Variants in TBC1D2 observed in about 807,000 individuals in gnomAD.
TBC1D2 encodes TBC1 domain family member 2.
A neutral mutation model predicts 91.1 loss-of-function variants in TBC1D2; 58 were observed. That is an observed-to-expected ratio of 0.64 (90% CI 0.52 to 0.79). TBC1D2 has a LOEUF of 0.79. TBC1D2 is among the 30% of genes least tolerant of loss of function. The pLI is 0.00. For missense variants in TBC1D2, 1,080 were observed against 1,208.3 expected, an observed-to-expected ratio of 0.89 and a Z score of 1.57; for synonymous variants, 482 against 511.5, an observed-to-expected ratio of 0.94 and a Z score of 0.78.
At chr9:98,254,969 C>T (rs1375762696) in intron 1 of TBC1D2, among the ~76,000 whole-genome samples, 1 of 152,180 alleles carries the variant, frequency 6.6e-6, no homozygotes, top group Non-Finnish European at 1.5e-5. Context: ...TTTCTTGATC[C>T]GTAAAATGGG....
chr9:98,233,851 T>C (rs904857195), intron 3 of TBC1D2, among the ~76,000 whole-genome samples: 7 of 152,232 alleles, frequency 4.6e-5, no homozygotes, highest in African/African-American at 1.7e-4. Flanking sequence ...GGAGGTATTG[T>C]CCGTTTTGTT....
At chr9:98,200,564 T>TG (rs1010148527) in intron 11 of TBC1D2, among the ~76,000 whole-genome samples, 190 bp from the exon 12 acceptor site, 45 of 17,656 alleles carry the variant, frequency 2.5e-3, no homozygotes, top group African/African-American at 6.6e-3. Flanking sequence ...GGCGGGGTGG[T>TG]GGGGGGGCGG....
rs760610627 is a variant in TBC1D2, at chr9:98,251,926, C to T, written c.370G>A (p.Ala124Thr). 10 of 1,597,730 alleles carry T rather than the reference C, an allele frequency of 6.3e-6. No homozygotes were observed. In the Admixed American group the frequency reaches 1.6e-4, roughly 25 times the overall value. The change falls in exon 2 of 13, where the codon GCC becomes ACC. Residue 124 changes from alanine (A) to threonine (T), a missense_variant and splice_region_variant. By Grantham distance (58) the Ala-to-Thr change is moderately conservative. Transcript: ENST00000465784. ...TACAGCATCGCTTGCTTGGTGGCGG[C>T]CTGAGAAGCACAAGGATTAGTTGGC... ...KTPSRVITLKAATKQAMLYWL... is the reference protein window; with the variant it reads ...KTPSRVITLKTATKQAMLYWL...
intron 9 of TBC1D2, among the ~76,000 whole-genome samples, chr9:98,207,313 C>G (rs1333624507): frequency 6.6e-5 from 10 of 152,194 alleles, no homozygotes; most frequent in Non-Finnish European, 1.2e-4. Context: ...AAAAAAGCAG[C>G]ATGGCTTATG....
rs965678467 is a variant in TBC1D2 at position 98,199,150 on chromosome 9, C to T, written c.*231G>A. The T allele has an allele frequency of 2.5e-5, 15 of 602,002 alleles. No homozygotes were observed. The highest frequency in any genetic ancestry group is 4.4e-4 in the Middle Eastern group (1 of 2,278). The allele number at this position is 602,002 out of a possible 1,614,324, so 37.3% of individuals were successfully genotyped here. A position where few individuals can be genotyped will look rare whatever the true frequency, so the allele number is the denominator to read the frequency against. On this transcript the variant is annotated 3_prime_UTR_variant, in exon 13 of 13. Coordinates refer to ENST00000465784, the MANE Select transcript of TBC1D2 (RefSeq NM_001267571.2). ...CCAAAGTGCTCTGTGGAAGAGGTGA[C>T]GAAAGGGTGGCATCCCTGGGTAAGT...
At chr9:98,223,177 G>A (rs1829141486) in intron 5 of TBC1D2, among the ~76,000 whole-genome samples, 1 of 152,256 alleles carries the variant, frequency 6.6e-6, no homozygotes, top group Admixed American at 6.5e-5. Flanking sequence ...TCTGTCTGGG[G>A]TGGAGGTTGT....
intron 8 of TBC1D2, 95 bp downstream of exon 8, chr9:98,210,561 G>C (rs1588035094): frequency 8.1e-7 from 1 of 1,231,002 alleles, no homozygotes; most frequent in East Asian, 2.6e-5. Context: ...GTGCTGTGTA[G>C]GACTTGTACA....
intron 10 of TBC1D2, among the ~76,000 whole-genome samples, chr9:98,202,973 C>A (rs958238121): frequency 6.6e-6 from 1 of 152,234 alleles, no homozygotes; most frequent in Non-Finnish European, 1.5e-5. Context: ...GTGCTGGAGG[C>A]GATGCAGCCA....
In TBC1D2 at chr9:98,244,064, C is replaced by A; in HGVS notation, c.577G>T (p.Val193Leu). ...GGGAAGGGCTGCAAGGCAGCTGCCA[C>A]GCCCACTAGCCCAGGGGGTGTTTTC... is the stretch of plus-strand genomic sequence containing the variant. ...PVKTPPGLVG[V>L]AAALQPFPAL... The change falls in exon 3 of 13, where the codon GTG becomes TTG. Residue 193 changes from valine to leucine, a missense_variant. Physicochemically the swap from Val to Leu is conservative, Grantham distance 32. Transcript: ENST00000465784. 6.2e-7 allele frequency: 1 copy of A among 1,612,910 alleles called. No individual in the cohort carries two copies. Among genetic ancestry groups the A allele is most frequent in the Middle Eastern group, 1.7e-4 (1 of 6,060 alleles).
At chr9:98,207,842 G>T (rs1828694267) in intron 9 of TBC1D2, among the ~76,000 whole-genome samples, 1 of 152,204 alleles carries the variant, frequency 6.6e-6, no homozygotes, top group African/African-American at 2.4e-5. Flanking sequence ...CAGGACTGTG[G>T]CATGAAGGCT....
chr9:98,201,903 G>A (rs1397480323), intron 10 of TBC1D2, among the ~76,000 whole-genome samples: 1 of 152,198 alleles, frequency 6.6e-6, no homozygotes, highest in Non-Finnish European at 1.5e-5. Context: ...GGGGCACTGG[G>A]CTCTGCAGTG....
chr9:98,221,020 T>C lies in TBC1D2; in HGVS notation c.1187A>G (p.Gln396Arg), dbSNP rs754819098. ...CACGTGCTGCTGTAGCTCCTGCACC[T>C]GCTGCTCCCGCAGGCTCGCTGTGTG... is the stretch of plus-strand genomic sequence containing the variant. ...LAHTASLREQ[Q>R]VQELQQHVQL... The change falls in exon 6 of 13, where the codon CAG becomes CGG. Residue 396 changes from glutamine (Q) to arginine (R), a missense_variant. Coordinates refer to ENST00000465784, the MANE Select transcript of TBC1D2 (RefSeq NM_001267571.2). 2.5e-6 allele frequency: 4 copies of C among 1,613,972 alleles called. No individual in the cohort carries two copies. Among genetic ancestry groups the C allele is most frequent in the Middle Eastern group, 1.6e-4 (1 of 6,084 alleles).
At chr9:98,210,549 T>C (rs1828806415) in intron 8 of TBC1D2, 107 bp downstream of exon 8, 4 of 1,057,936 alleles carry the variant, frequency 3.8e-6, no homozygotes, top group Admixed American at 2.9e-5. Flanking sequence ...TCAGAGGAGG[T>C]AGTGCTGTGT....
At chr9:98,216,824 GC>G (rs1371290627) in intron 6 of TBC1D2, among the ~76,000 whole-genome samples, 1 of 152,020 alleles carries the variant, frequency 6.6e-6, no homozygotes, top group Non-Finnish European at 1.5e-5. Flanking sequence ...CCTGTCTCAG[GC>G]CCCTGAGTAG....
chr9:98,228,474 T>C lies in TBC1D2; in HGVS notation c.978+478A>G, dbSNP rs1457881796. ...AATATTCCTTTCACTGTTTCTGTGTTGGTCCTGGCTTAGCCCTGGGCCACA... is the reference window on the plus strand; with the variant it reads ...AATATTCCTTTCACTGTTTCTGTGTCGGTCCTGGCTTAGCCCTGGGCCACA... On this transcript the variant is annotated intron_variant, in intron 5 of 12. Transcript: ENST00000465784. The surrounding 1 kb of genome is among the most constrained non-coding windows in gnomAD (Gnocchi z 4.0). Among the ~76,000 whole-genome samples, 6 of 152,256 alleles carry C rather than the reference T, an allele frequency of 3.9e-5. No individual in the cohort carries two copies. Among genetic ancestry groups the C allele is most frequent in the South Asian group, 4.1e-4 (2 of 4,832 alleles).
chr9:98,235,992 G>C (rs12346750), intron 3 of TBC1D2, among the ~76,000 whole-genome samples: 2 of 151,086 alleles, frequency 1.3e-5, no homozygotes, highest in East Asian at 4.0e-4. Flanking sequence ...CCGAGAAAGC[G>C]CCACCTGTAC....
At chr9:98,224,214 AAG>A (rs201335977) in intron 5 of TBC1D2, among the ~76,000 whole-genome samples, 2 of 151,000 alleles carry the variant, frequency 1.3e-5, no homozygotes, top group African/African-American at 4.9e-5. Flanking sequence ...AAAAAAAGAA[AAG>A]AAAAGAAAAG....
In TBC1D2 at chr9:98,208,122, G is replaced by A. The variant is rs528749850; in HGVS notation, c.2150+546C>T. On this transcript the variant is annotated intron_variant, in intron 9 of 12. Coordinates refer to ENST00000465784, the MANE Select transcript of TBC1D2 (RefSeq NM_001267571.2). ...GTTTGAGAGGCCATGTAAGTTGTAC[G>A]TCCCCAAGCACAAATCAAAGGAGAG... is the stretch of plus-strand genomic sequence containing the variant. 3.9e-5 allele frequency among the ~76,000 whole-genome samples: 6 copies of A among 152,222 alleles called. No homozygotes were observed. In the East Asian group the frequency reaches 5.8e-4, roughly 15 times the overall value.
In TBC1D2 at chr9:98,223,996, G is replaced by A. The variant is rs554052824; in HGVS notation, c.979-2768C>T. On this transcript the variant is annotated intron_variant, in intron 5 of 12. Transcript: ENST00000465784. ...GGTCGGATCACGAGGTCAGGAGATC[G>A]AGACCATCCTGGCTAACATGGTGAA... Among the ~76,000 whole-genome samples, 12 of 152,132 alleles carry A rather than the reference G, an allele frequency of 7.9e-5. No homozygotes were observed. The East Asian group carries it at 9.7e-4, about 12-fold the overall frequency.
Sources: allele counts gnomAD v4.1 joint callset (sites outside exome capture counted in the v4.1 genomes callset), GRCh38; gene constraint gnomAD v4.1.1; non-coding constraint Gnocchi (gnomAD v3.1); transcripts MANE v1.5; gene names NCBI Gene and HGNC (gene_info 2026-07-23, HGNC 2026-07-21).